Variants in RNLS observed in about 807,000 individuals in gnomAD.
The protein encoded by RNLS is renalase, FAD dependent amine oxidase, also known as renalase.
A neutral mutation model predicts 39.8 loss-of-function variants in RNLS; 39 were observed. The ratio of observed to expected loss-of-function variants is 0.98; its 90% CI spans 0.76 to 1.28. The LOEUF (loss-of-function observed/expected upper bound fraction) is 1.28. RNLS is among the 50% of genes most tolerant of loss of function. The pLI is 0.00. For missense variants in RNLS, 410 were observed against 413.3 expected (o/e 0.99, Z 0.07); for synonymous variants, 147 against 150.7 (o/e 0.98, Z 0.18).
At chr10:88,512,393 T>C (rs1846175412) in intron 4 of RNLS, among the ~76,000 whole-genome samples, 1 of 152,146 alleles carries the variant, frequency 6.6e-6, no homozygotes, top group Non-Finnish European at 1.5e-5. Context: ...ATAAAAAATG[T>C]AATTTATAAT....
intron 4 of RNLS, among the ~76,000 whole-genome samples, chr10:88,478,859 T>G (rs1843975409): frequency 6.6e-6 from 1 of 152,048 alleles, no homozygotes; most frequent in Non-Finnish European, 1.5e-5. Flanking sequence ...TCCTTCTTTC[T>G]TTCATTTCTT....
chr10:88,412,913 T>C (rs1242207708), intron 4 of RNLS, among the ~76,000 whole-genome samples: 1 of 152,164 alleles, frequency 6.6e-6, no homozygotes. Flanking sequence ...TCCTTAGCAC[T>C]GATTCAGAAA....
intron 4 of RNLS, among the ~76,000 whole-genome samples, chr10:88,564,470 A>G (rs965531390): frequency 2.6e-5 from 4 of 152,132 alleles, no homozygotes; most frequent in Non-Finnish European, 4.4e-5. Context: ...ACTAGAAGTA[A>G]AACTAGGAGG....
At chr10:88,257,751 A>C in the RNLS span, among the ~76,000 whole-genome samples, 1 of 152,134 alleles carries the variant, frequency 6.6e-6, no homozygotes. Flanking sequence ...CACACTTCCT[A>C]ACTCCTTGGA....
At chr10:88,246,506 G>A in the RNLS span, among the ~76,000 whole-genome samples, 1,770 of 151,860 alleles carry the variant, frequency 0.012, 30 homozygotes, top group African/African-American at 0.04. Flanking sequence ...ATATAATCAG[G>A]GATGTGTGAT....
chr10:88,312,990 C>T (rs781597509), intron 6 of RNLS, among the ~76,000 whole-genome samples: 5 of 152,058 alleles, frequency 3.3e-5, no homozygotes, highest in Admixed American at 2.6e-4. Flanking sequence ...GTTTTGCAGC[C>T]AATGTAGACT....
intron 4 of RNLS, among the ~76,000 whole-genome samples, chr10:88,459,392 A>G (rs1182788805): frequency 6.6e-6 from 1 of 152,166 alleles, no homozygotes; most frequent in East Asian, 1.9e-4. Flanking sequence ...GACCAAATCC[A>G]CTACTTTTAT....
intron 4 of RNLS, among the ~76,000 whole-genome samples, chr10:88,422,187 G>A (rs1399928225): frequency 6.6e-6 from 1 of 152,160 alleles, no homozygotes; most frequent in Non-Finnish European, 1.5e-5. Flanking sequence ...AAATACTAAA[G>A]GTAGCCGTCC....
the RNLS span, among the ~76,000 whole-genome samples, chr10:88,246,895 C>G: frequency 5.4e-4 from 82 of 152,286 alleles, no homozygotes; most frequent in Middle Eastern, 3.4e-3. Flanking sequence ...CTGTTGTAAT[C>G]AAATAAAGCT....
chr10:88,224,892 A>G, the RNLS span, among the ~76,000 whole-genome samples: 1 of 152,206 alleles, frequency 6.6e-6, no homozygotes, highest in Non-Finnish European at 1.5e-5. Flanking sequence ...AACCACTCCT[A>G]TGAGATTGGA....
the RNLS span, among the ~76,000 whole-genome samples, chr10:88,266,528 A>G: frequency 6.6e-6 from 1 of 152,156 alleles, no homozygotes; most frequent in East Asian, 1.9e-4. Flanking sequence ...TTCTAATCCC[A>G]TTGCTTTGTA....
intron 4 of RNLS, among the ~76,000 whole-genome samples, chr10:88,396,440 C>A (rs1852561737): frequency 6.6e-6 from 1 of 150,776 alleles, no homozygotes; most frequent in Non-Finnish European, 1.5e-5. Context: ...ACTGCAAGCC[C>A]CAGGTTGACT....
At chr10:88,537,989 C>T (rs531877538) in intron 4 of RNLS, among the ~76,000 whole-genome samples, 4 of 152,216 alleles carry the variant, frequency 2.6e-5, no homozygotes, top group African/African-American at 4.8e-5. Context: ...AAGAATAATG[C>T]CTCTTACAAA....
At chr10:88,405,889 C>G (rs1255407921) in intron 4 of RNLS, among the ~76,000 whole-genome samples, 3 of 152,008 alleles carry the variant, frequency 2.0e-5, no homozygotes, top group African/African-American at 7.2e-5. Context: ...TTTAGAGCTC[C>G]TTTTAGCAGT....
At chr10:88,494,314 A>G (rs181364676) in intron 4 of RNLS, among the ~76,000 whole-genome samples, 3 of 152,142 alleles carry the variant, frequency 2.0e-5, no homozygotes, top group African/African-American at 7.2e-5. Flanking sequence ...TAAATGGAGT[A>G]TTTGTTCACC....
chr10:88,579,137 A>G (rs901148665), intron 3 of RNLS, among the ~76,000 whole-genome samples: 1 of 152,194 alleles, frequency 6.6e-6, no homozygotes, highest in African/African-American at 2.4e-5. Context: ...TCAACAAAGT[A>G]TGGACAGCTC....
chr10:88,385,106 T>C (rs1851782461), intron 4 of RNLS, among the ~76,000 whole-genome samples: 2 of 152,234 alleles, frequency 1.3e-5, no homozygotes, highest in Admixed American at 1.3e-4. Context: ...GATTTAAGAA[T>C]GAGCTCAGCA....
the RNLS span, among the ~76,000 whole-genome samples, chr10:88,229,772 G>A: frequency 6.6e-6 from 1 of 152,092 alleles, no homozygotes; most frequent in Non-Finnish European, 1.5e-5. Context: ...ATAATATGTG[G>A]CCTTTTGTGT....
chr10:88,551,394 T>G (rs6586140), intron 4 of RNLS, among the ~76,000 whole-genome samples: 68,911 of 152,078 alleles, frequency 0.45, 16,199 homozygotes, highest in African/African-American at 0.58. Context: ...AAAAATCAAC[T>G]AATGTGGATG....
Sources: allele counts gnomAD v4.1 joint callset (sites outside exome capture counted in the v4.1 genomes callset), GRCh38; gene constraint gnomAD v4.1.1; transcripts MANE v1.5; gene names NCBI Gene and HGNC (gene_info 2026-07-23, HGNC 2026-07-21).